The following SLC22A23 variants were observed in gnomAD, a reference collection of about 807,000 sequenced individuals.
The protein encoded by SLC22A23 is ion transporter protein.
SLC22A23 carries 26 observed loss-of-function variants against 61.0 expected under a neutral mutation model. That is an observed-to-expected ratio of 0.43 (90% CI 0.31 to 0.59). The LOEUF (loss-of-function observed/expected upper bound fraction) is 0.59. Ranked by LOEUF, SLC22A23 falls within the 20% of genes least tolerant of loss-of-function variation. SLC22A23 has a pLI of 0.11. For synonymous variants in SLC22A23, 430 were observed against 413.9 expected, an observed-to-expected ratio of 1.04 and a Z score of -0.47; for missense variants, 796 against 934.7, an observed-to-expected ratio of 0.85 and a Z score of 1.94.
At chr6:3,378,845 G>T (rs9328166) in intron 3 of SLC22A23, among the ~76,000 whole-genome samples, 18,173 of 151,752 alleles carry the variant, frequency 0.12, 1,357 homozygotes, top group African/African-American at 0.22. Flanking sequence ...TTTTAGTAGA[G>T]ATGGGGTTTC....
At chr6:3,341,404 T>C (rs1412398742) in intron 3 of SLC22A23, among the ~76,000 whole-genome samples, 2 of 152,218 alleles carry the variant, frequency 1.3e-5, no homozygotes, top group East Asian at 1.9e-4. Flanking sequence ...CCTGAAACTT[T>C]TTAGAATGGC....
chr6:3,311,054 C>A (rs896091473), intron 4 of SLC22A23, among the ~76,000 whole-genome samples: 10 of 152,354 alleles, frequency 6.6e-5, no homozygotes, highest in Middle Eastern at 3.4e-3. Flanking sequence ...GCACTGGGCA[C>A]CATCCACCTG....
rs2127375271 is a variant in SLC22A23, at chr6:3,308,310, G to C, written c.1083-10092C>G. Among the ~76,000 whole-genome samples, 1 of 152,274 alleles carries C rather than the reference G, an allele frequency of 6.6e-6. No individual in the cohort carries two copies. The highest frequency in any genetic ancestry group is 1.5e-5 in the Non-Finnish European group (1 of 68,030). ...CGTCCTCCAGGGCTAAGCCCTCCCT[G>C]GGTGGGCACATGTCCTTCCAAATCG... is the stretch of plus-strand genomic sequence containing the variant. On this transcript the variant is annotated intron_variant, in intron 4 of 9. Coordinates refer to ENST00000406686, the MANE Select transcript of SLC22A23 (RefSeq NM_015482.2). This position sits in a 1 kb window ranked among gnomAD's most constrained non-coding sequence, Gnocchi z 5.1.
chr6:3,279,915 C>T (rs1759281872), intron 9 of SLC22A23, among the ~76,000 whole-genome samples: 1 of 152,120 alleles, frequency 6.6e-6, no homozygotes, highest in South Asian at 2.1e-4. Flanking sequence ...AGGCCGACTT[C>T]TTACTAGAAA....
At chr6:3,320,591 G>A (rs991278737) in intron 4 of SLC22A23, among the ~76,000 whole-genome samples, 6 of 152,180 alleles carry the variant, frequency 3.9e-5, no homozygotes, top group Non-Finnish European at 7.3e-5. Flanking sequence ...TGGTGCTACA[G>A]CTCACCCCCT....
intron 1 of SLC22A23, among the ~76,000 whole-genome samples, chr6:3,435,211 G>A (rs1243880965): frequency 1.3e-5 from 2 of 152,010 alleles, no homozygotes; most frequent in Non-Finnish European, 2.9e-5. Context: ...CTTCTCAGGG[G>A]GCTGTCAGGA....
chr6:3,273,501 T>C (rs930542921), intron 9 of SLC22A23, 89 bp from the exon 10 acceptor site: 10 of 1,415,414 alleles, frequency 7.1e-6, no homozygotes, highest in Non-Finnish European at 7.8e-6. Context: ...AAGCCACCTC[T>C]GCAGGGGCCC....
intron 6 of SLC22A23, among the ~76,000 whole-genome samples, chr6:3,287,773 T>C (rs1053941820): frequency 4.7e-5 from 7 of 149,424 alleles, no homozygotes; most frequent in Non-Finnish European, 8.9e-5. Flanking sequence ...AACCTCCCCC[T>C]CCCTGGTTCA....
intron 3 of SLC22A23, among the ~76,000 whole-genome samples, chr6:3,409,027 T>A (rs758440233): frequency 1.1e-4 from 16 of 152,234 alleles, no homozygotes; most frequent in Admixed American, 2.6e-4. Flanking sequence ...GCATTTTGCC[T>A]GGGGAGGTTC....
intron 3 of SLC22A23, among the ~76,000 whole-genome samples, chr6:3,383,855 A>T (rs1261098556): frequency 6.6e-6 from 1 of 152,268 alleles, no homozygotes; most frequent in African/African-American, 2.4e-5. Flanking sequence ...GAAAGCCTTT[A>T]TTCTAAAAGC....
intron 4 of SLC22A23, among the ~76,000 whole-genome samples, chr6:3,299,479 G>A (rs982251049): frequency 1.3e-5 from 2 of 152,146 alleles, no homozygotes; most frequent in Non-Finnish European, 2.9e-5. Context: ...AGTGGTTTTC[G>A]AGTTTTACCA....
intron 3 of SLC22A23, among the ~76,000 whole-genome samples, chr6:3,343,240 A>G (rs748230931): frequency 1.2e-4 from 19 of 152,230 alleles, no homozygotes; most frequent in Non-Finnish European, 2.4e-4. Context: ...CCACTTCAGC[A>G]GCAAACAGAG....
intron 3 of SLC22A23, among the ~76,000 whole-genome samples, chr6:3,335,171 G>A (rs910223469): frequency 6.6e-5 from 10 of 152,128 alleles, no homozygotes. Context: ...AACTGGAAAG[G>A]GGTTTTCAAG....
intron 9 of SLC22A23, among the ~76,000 whole-genome samples, chr6:3,274,765 T>A (rs1758742145): frequency 6.6e-6 from 1 of 152,184 alleles, no homozygotes; most frequent in South Asian, 2.1e-4. Context: ...AATAAAATGT[T>A]TAGAAATAAA....
At chr6:3,376,526 G>A (rs574431400) in intron 3 of SLC22A23, among the ~76,000 whole-genome samples, 116 of 152,052 alleles carry the variant, frequency 7.6e-4, no homozygotes, top group African/African-American at 2.6e-3. Flanking sequence ...CCTCCCTCTC[G>A]AGTCCTTCCT....
Position 3,308,357 on chromosome 6 carries a change from C to A in SLC22A23, c.1083-10139G>T, listed in dbSNP as rs989537224. Among the ~76,000 whole-genome samples, 4 of 152,148 alleles carry A rather than the reference C, an allele frequency of 2.6e-5. No homozygotes were observed. The highest frequency in any genetic ancestry group is 9.7e-5 in the African/African-American group (4 of 41,430). On this transcript the variant is annotated intron_variant, in intron 4 of 9. Transcript: ENST00000406686. The surrounding 1 kb of genome is among the most constrained non-coding windows in gnomAD (Gnocchi z 5.1). The stretch of plus-strand genomic sequence containing the variant: ...ATCGTATTCAGGGCGCTGACACGCA[C>A]CTGCATCTCCAGGTGCCGCCTCTGC...
chr6:3,424,514 T>C (rs1378209533), intron 1 of SLC22A23, among the ~76,000 whole-genome samples: 2 of 152,258 alleles, frequency 1.3e-5, no homozygotes, highest in African/African-American at 4.8e-5. Flanking sequence ...TCTATTTCTA[T>C]AAAGTTTAAT....
chr6:3,442,403 A>G (rs1771656847), intron 1 of SLC22A23, among the ~76,000 whole-genome samples: 1 of 152,364 alleles, frequency 6.6e-6, no homozygotes, highest in South Asian at 2.1e-4. Flanking sequence ...AATGGCTAAA[A>G]TAGTACATTT....
intron 9 of SLC22A23, 46 bp downstream of exon 9, chr6:3,283,806 G>C (rs1759708128): frequency 6.2e-7 from 1 of 1,610,406 alleles, no homozygotes; most frequent in Middle Eastern, 1.7e-4. Flanking sequence ...ACTCGTCTTT[G>C]ATTTCCGAGA....
Sources: allele counts gnomAD v4.1 joint callset (sites outside exome capture counted in the v4.1 genomes callset), GRCh38; gene constraint gnomAD v4.1.1; non-coding constraint Gnocchi (gnomAD v3.1); transcripts MANE v1.5; gene names NCBI Gene and HGNC (gene_info 2026-07-23, HGNC 2026-07-21).